The following SLC9A1 variants were observed in gnomAD, a reference collection of about 807,000 sequenced individuals.
The protein encoded by SLC9A1 is solute carrier family 9 member A1.
SLC9A1 carries 22 observed loss-of-function variants against 67.9 expected under a neutral mutation model. The observed-to-expected ratio is 0.32, with a 90% confidence interval of 0.23 to 0.46. The LOEUF (loss-of-function observed/expected upper bound fraction) is 0.46, where lower values mean the gene tolerates loss of function less well. Among genes scored for constraint, SLC9A1 ranks in the 20% least tolerant of loss-of-function variants. SLC9A1 has a pLI of 1.00. For missense variants in SLC9A1, 686 were observed against 1,094.8 expected, an observed-to-expected ratio of 0.63 and a Z score of 5.27; for synonymous variants, 421 against 471.8, an observed-to-expected ratio of 0.89 and a Z score of 1.40.
chr1:27,103,339 T>C, intron 5 of SLC9A1, 27 bp from the exon 6 acceptor site: 1 of 1,532,332 alleles, frequency 6.5e-7, no homozygotes, highest in South Asian at 1.1e-5. Flanking sequence ...TGTCAGGCAC[T>C]CCAGTTCTGC....
intron 1 of SLC9A1, among the ~76,000 whole-genome samples, chr1:27,129,348 T>C (rs902881866): frequency 3.3e-5 from 5 of 152,118 alleles, no homozygotes; most frequent in African/African-American, 1.2e-4. Context: ...CCCACCACAC[T>C]GGGGATAGTT....
At chr1:27,125,133 G>A (rs191609086) in intron 1 of SLC9A1, among the ~76,000 whole-genome samples, 5 of 150,476 alleles carry the variant, frequency 3.3e-5, no homozygotes, top group East Asian at 2.0e-4. Context: ...ACTTCTCACC[G>A]CCTCCACTGC....
At chr1:27,135,058 A>AT (rs796517155) in intron 1 of SLC9A1, among the ~76,000 whole-genome samples, 3,705 of 140,494 alleles carry the variant, frequency 0.026, 141 homozygotes, top group African/African-American at 0.088. Flanking sequence ...TTTATGCCAA[A>AT]TTTTTTTTTT....
intron 1 of SLC9A1, among the ~76,000 whole-genome samples, chr1:27,145,073 G>GAAA (rs952148589): frequency 1.0e-5 from 1 of 96,980 alleles, no homozygotes; most frequent in Non-Finnish European, 2.3e-5. Flanking sequence ...AAGGAAAAAG[G>GAAA]AAAAAAAAAA....
intron 1 of SLC9A1, among the ~76,000 whole-genome samples, chr1:27,142,603 G>A (rs2083459328): frequency 6.6e-6 from 1 of 152,132 alleles, no homozygotes; most frequent in African/African-American, 2.4e-5. Flanking sequence ...GAGCCTCAGA[G>A]GTGTGCCTGG....
intron 1 of SLC9A1, among the ~76,000 whole-genome samples, chr1:27,131,947 A>AAAAAAAAAAAAAAAAAAATATATATAT: frequency 1.9e-5 from 1 of 52,122 alleles, no homozygotes; most frequent in African/African-American, 6.4e-5. Flanking sequence ...AGAAAAAAAA[A>AAAAAAAAAAAAAAAAAAATATATATAT]ATATATATAT....
chr1:27,116,467 A>G lies in SLC9A1; in HGVS notation c.353-2181T>C, dbSNP rs180939380. Reference sequence around the variant, plus strand: ...CAAGCACCCTGAAGACACTCAAAACACATTGGGAAAAAAAGATGTCTCCAT... The same window carrying G: ...CAAGCACCCTGAAGACACTCAAAACGCATTGGGAAAAAAAGATGTCTCCAT... On this transcript the variant is annotated intron_variant, in intron 1 of 11. Coordinates refer to ENST00000263980, the MANE Select transcript of SLC9A1 (RefSeq NM_003047.5). Among the ~76,000 whole-genome samples the G allele has an allele frequency of 1.8e-3, 276 of 152,264 alleles. 2 individuals are homozygous for G. Among genetic ancestry groups the G allele is most frequent in the South Asian group, 3.1e-3 (15 of 4,824 alleles).
chr1:27,133,228 C>A (rs11247608), intron 1 of SLC9A1, among the ~76,000 whole-genome samples: 1 of 151,984 alleles, frequency 6.6e-6, no homozygotes, highest in Admixed American at 6.6e-5. Context: ...CCACCACGCC[C>A]GGCTAATTTC....
chr1:27,142,451 T>C (rs2083458517), intron 1 of SLC9A1, among the ~76,000 whole-genome samples: 1 of 152,078 alleles, frequency 6.6e-6, no homozygotes, highest in African/African-American at 2.4e-5. Context: ...AGAAGCAGAG[T>C]GAGAACAGAG....
rs923113041 is a variant in SLC9A1 at position 27,145,097 on chromosome 1, GAACA to G, written c.352+8882_352+8885del. Among the ~76,000 whole-genome samples, 76 of 150,480 alleles carry G rather than the reference GAACA, an allele frequency of 5.1e-4. 1 individual carries two copies. Among genetic ancestry groups the G allele is most frequent in the South Asian group, 8.5e-4 (4 of 4,728 alleles). ...GGAAAAAAAAAAAAAAAAAGAAAGT[GAACA>G]AACAAAGTCCCTGTCCTCAAGAGGC... On this transcript the variant is annotated intron_variant, in intron 1 of 11. Coordinates refer to ENST00000263980, the MANE Select transcript of SLC9A1 (RefSeq NM_003047.5).
At chr1:27,117,280 G>C (rs1460868672) in intron 1 of SLC9A1, among the ~76,000 whole-genome samples, 1 of 152,184 alleles carries the variant, frequency 6.6e-6, no homozygotes, top group Non-Finnish European at 1.5e-5. Flanking sequence ...CCTTCCCAAG[G>C]CCGGAAGTCC....
At chr1:27,120,118 G>GTTTT (rs531248912) in intron 1 of SLC9A1, among the ~76,000 whole-genome samples, 22 of 150,786 alleles carry the variant, frequency 1.5e-4, no homozygotes, top group African/African-American at 3.5e-4. Context: ...GGGATGGGAG[G>GTTTT]TTTTTTTTGT....
At chr1:27,108,595 G>A (rs1459190045) in intron 3 of SLC9A1, among the ~76,000 whole-genome samples, 4 of 152,156 alleles carry the variant, frequency 2.6e-5, no homozygotes, top group South Asian at 4.1e-4. Context: ...GGAGAATCTC[G>A]AACTCAGAGG....
intron 1 of SLC9A1, among the ~76,000 whole-genome samples, chr1:27,152,131 A>G (rs1263017111): frequency 6.6e-6 from 1 of 152,168 alleles, no homozygotes; most frequent in Non-Finnish European, 1.5e-5. Context: ...CCATGACACC[A>G]TCTCTGCTCT....
chr1:27,105,811 G>A lies in SLC9A1; in HGVS notation c.1485+74C>T, dbSNP rs139228809. On this transcript the variant is annotated intron_variant, in intron 5 of 11. Transcript: ENST00000263980. ...ACTAGAATCGCATTTCAAATCACACGCTTTCCTCTCTTTCCACGGGAACAG... is the reference window on the plus strand; with the variant it reads ...ACTAGAATCGCATTTCAAATCACACACTTTCCTCTCTTTCCACGGGAACAG... The A allele has an allele frequency of 6.5e-4, 857 of 1,318,542 alleles. 1 individual carries two copies. The highest frequency in any genetic ancestry group is 8.0e-4 in the Non-Finnish European group (734 of 916,064). The allele number at this position is 1,318,542 out of a possible 1,614,324, so 81.7% of individuals were successfully genotyped here.
rs531155408 is a variant in SLC9A1 at position 27,133,306 on chromosome 1, C to T, written c.353-19020G>A. On this transcript the variant is annotated intron_variant, in intron 1 of 11. Transcript: ENST00000263980. ...CTGGTCTCAAACTCCTGACCTCAAG[C>T]GACCCACCTGTGCTTGGCCTCCCAA... Among the ~76,000 whole-genome samples, 139 of 152,078 alleles carry T rather than the reference C, an allele frequency of 9.1e-4. 2 individuals are homozygous for T. The highest frequency in any genetic ancestry group is 1.8e-3 in the Admixed American group (27 of 15,258).
intron 1 of SLC9A1, among the ~76,000 whole-genome samples, chr1:27,134,381 A>G (rs1297265623): frequency 1.2e-4 from 18 of 152,202 alleles, no homozygotes; most frequent in Non-Finnish European, 1.0e-4. Flanking sequence ...ACCAGCACAC[A>G]TCACTTTTCA....
At chr1:27,138,681 T>C (rs2083435039) in intron 1 of SLC9A1, among the ~76,000 whole-genome samples, 1 of 151,954 alleles carries the variant, frequency 6.6e-6, no homozygotes, top group Non-Finnish European at 1.5e-5. Context: ...ATGCCACAGC[T>C]GTATGGAGGA....
intron 1 of SLC9A1, among the ~76,000 whole-genome samples, chr1:27,129,384 C>T (rs1229272146): frequency 1.3e-5 from 2 of 152,156 alleles, no homozygotes; most frequent in African/African-American, 4.8e-5. Flanking sequence ...CTAGGAGCCA[C>T]GAGATGTAGA....
Sources: gnomAD v4.1 joint callset for allele counts (sites outside exome capture counted in the v4.1 genomes callset) on GRCh38, gnomAD v4.1.1 for gene constraint, MANE v1.5 for transcripts, NCBI Gene and HGNC (gene_info 2026-07-23, HGNC 2026-07-21) for gene names.